Variants in FLT1 observed in about 807,000 individuals in gnomAD.
FLT1 encodes fms related receptor tyrosine kinase 1, also known as vascular endothelial growth factor receptor 1.
Under a neutral mutation model 156.3 loss-of-function variants are expected in FLT1, and 49 were observed. That is an observed-to-expected ratio of 0.31 (90% confidence interval 0.25 to 0.40). FLT1 has a LOEUF of 0.40. Among genes scored for constraint, FLT1 ranks in the 10% least tolerant of loss-of-function variants. The pLI is 1.00. For synonymous variants in FLT1, 594 were observed against 583.8 expected, an observed-to-expected ratio of 1.02 and a Z score of -0.25; for missense variants, 1,322 against 1,637.2, an observed-to-expected ratio of 0.81 and a Z score of 3.32.
At position 28,322,853 on chromosome 13, in the gene FLT1, C is replaced by A; in HGVS notation, c.2890G>T (p.Glu964Ter). The change falls in exon 21 of 30, where the codon GAA becomes TAA. Residue 964 changes from glutamate to a stop codon, truncating the protein, a stop_gained. Coordinates refer to ENST00000282397, the MANE Select transcript of FLT1 (RefSeq NM_002019.4). LOFTEE classifies it high-confidence loss of function. The surrounding 1 kb of genome is among the most constrained non-coding windows in gnomAD (Gnocchi z 4.3). ...KPRLDSVTSSESFASSGFQED... is the reference protein window; with the variant it reads ...KPRLDSVTSS ...TGAAAGCCGGAGCTCGCAAAGCTTT[C>A]GCTGCTGGTGACGCTATCTAGTCTT... 1.2e-6 allele frequency: 2 copies of A among 1,614,172 alleles called. No individual in the cohort carries two copies. The highest frequency in any genetic ancestry group is 1.7e-6 in the Non-Finnish European group (2 of 1,180,024).
chr13:28,464,838 T>C (rs1254423483), intron 3 of FLT1, among the ~76,000 whole-genome samples: 2 of 152,154 alleles, frequency 1.3e-5, no homozygotes, highest in African/African-American at 4.8e-5. Flanking sequence ...CACTATTTAT[T>C]AGAAAAAAAG....
At chr13:28,327,426 C>T (rs1243115482) in intron 20 of FLT1, 36 bp downstream of exon 20, 4 of 1,255,900 alleles carry the variant, frequency 3.2e-6, no homozygotes, top group Middle Eastern at 1.9e-4. Context: ...AAACTCATTG[C>T]TATCTTTAAA....
At chr13:28,476,175 C>T (rs994198392) in intron 1 of FLT1, among the ~76,000 whole-genome samples, 3 of 152,250 alleles carry the variant, frequency 2.0e-5, no homozygotes, top group Non-Finnish European at 2.9e-5. Flanking sequence ...ACACTTTTCT[C>T]TCCATGAGAA....
intron 15 of FLT1, among the ~76,000 whole-genome samples, chr13:28,354,602 C>T (rs1872836079): frequency 6.6e-6 from 1 of 152,044 alleles, no homozygotes; most frequent in Admixed American, 6.5e-5. Flanking sequence ...TAAATGGGCA[C>T]AATATTTCAG....
chr13:28,456,283 A>G (rs893074191), intron 3 of FLT1, among the ~76,000 whole-genome samples: 2 of 151,658 alleles, frequency 1.3e-5, no homozygotes, highest in Non-Finnish European at 2.9e-5. Flanking sequence ...GAATTTATAT[A>G]ATGAATATAA....
chr13:28,391,563 C>G (rs796147175), intron 12 of FLT1, among the ~76,000 whole-genome samples: 15 of 152,364 alleles, frequency 9.8e-5, no homozygotes, highest in African/African-American at 3.4e-4. Flanking sequence ...TCTCATGTCT[C>G]CTTGAAATGT....
At chr13:28,493,971 T>A (rs1463443908) in intron 1 of FLT1, among the ~76,000 whole-genome samples, 1 of 152,358 alleles carries the variant, frequency 6.6e-6, no homozygotes, top group South Asian at 2.1e-4. Context: ...TTAACGGTAT[T>A]TGGGCCCTGG....
chr13:28,303,651 ACT>A (rs1270769669), intron 29 of FLT1, among the ~76,000 whole-genome samples: 1 of 151,982 alleles, frequency 6.6e-6, no homozygotes, highest in Admixed American at 6.6e-5. Context: ...GTGGAAAGTA[ACT>A]CCAAGACTTG....
chr13:28,410,520 C>A (rs1015480781), intron 10 of FLT1, among the ~76,000 whole-genome samples: 2 of 152,186 alleles, frequency 1.3e-5, no homozygotes, highest in Non-Finnish European at 2.9e-5. Context: ...AGTCTAATAA[C>A]CACATTGATT....
intron 17 of FLT1, among the ~76,000 whole-genome samples, chr13:28,335,394 TTCC>T (rs1300172861): frequency 1.3e-5 from 2 of 152,146 alleles, no homozygotes; most frequent in Non-Finnish European, 2.9e-5. Flanking sequence ...TGAACCTTCT[TTCC>T]TCCCTTCCTT....
In FLT1 at chr13:28,306,319, C is replaced by T. The variant is rs376023552; in HGVS notation, c.3815+359G>A. Among the ~76,000 whole-genome samples the T allele has an allele frequency of 3.0e-4, 45 of 152,244 alleles. 1 individual carries two copies. The East Asian group carries it at 4.8e-3, about 16-fold the overall frequency. On this transcript the variant is annotated intron_variant, in intron 29 of 29. Coordinates refer to ENST00000282397, the MANE Select transcript of FLT1 (RefSeq NM_002019.4). ...GTGTCTCCTCGTGTATGAACCCTGC[C>T]GGCATAGGGAGTGACAGCGGGGGCA... is the stretch of plus-strand genomic sequence containing the variant.
At chr13:28,442,077 CAT>C (rs1441306407) in intron 3 of FLT1, among the ~76,000 whole-genome samples, 1 of 152,144 alleles carries the variant, frequency 6.6e-6, no homozygotes, top group Non-Finnish European at 1.5e-5. Context: ...GGTGTAGTAA[CAT>C]ATGCAGAGAG....
intron 10 of FLT1, among the ~76,000 whole-genome samples, chr13:28,420,078 A>T (rs938257564): frequency 2.0e-5 from 3 of 152,244 alleles, no homozygotes; most frequent in Non-Finnish European, 4.4e-5. Flanking sequence ...AAAGTGGCAA[A>T]GGGGCCTTTG....
intron 13 of FLT1, chr13:28,388,454 GT>G (rs61707719): frequency 0.37 from 347,285 of 934,200 alleles, 48,819 homozygotes; most frequent in East Asian, 0.42. Flanking sequence ...GGTCATTATA[GT>G]TTTTTTTTTT....
intron 1 of FLT1, among the ~76,000 whole-genome samples, chr13:28,485,274 A>G (rs1352843496): frequency 1.3e-5 from 2 of 152,010 alleles, no homozygotes; most frequent in African/African-American, 4.8e-5. Context: ...CAGGGCCTCT[A>G]TGATAAGAGC....
chr13:28,337,908 A>G (rs909466301), intron 17 of FLT1, among the ~76,000 whole-genome samples: 1 of 152,218 alleles, frequency 6.6e-6, no homozygotes, highest in South Asian at 2.1e-4. Context: ...AAATTATCCC[A>G]TATTTCCTGC....
At position 28,357,689 on chromosome 13, in the gene FLT1, A is replaced by C; in HGVS notation, c.2117-4T>G. ...CTTCCTGGTCCTAAAATAATTCCTG[A>C]GGGGTGAGAGATGTTTAGATTAGTG... On this transcript the variant is annotated splice_region_variant and splice_polypyrimidine_tract_variant and intron_variant, in intron 14 of 29. Transcript: ENST00000282397. 2 of 1,613,304 alleles carry C rather than the reference A, an allele frequency of 1.2e-6. No homozygotes were observed. Among genetic ancestry groups the C allele is most frequent in the East Asian group, 2.2e-5 (1 of 44,858 alleles).
intron 10 of FLT1, among the ~76,000 whole-genome samples, chr13:28,413,218 G>A (rs938143405): frequency 1.3e-5 from 2 of 152,110 alleles, no homozygotes; most frequent in African/African-American, 4.8e-5. Context: ...GAGCTTTTCC[G>A]TGAGCGTCTT....
At chr13:28,338,281 C>T (rs942505217) in intron 17 of FLT1, among the ~76,000 whole-genome samples, 8 of 152,012 alleles carry the variant, frequency 5.3e-5, no homozygotes, top group African/African-American at 7.2e-5. Flanking sequence ...CTCTCCACAC[C>T]GAGAGGGACA....
Sources: allele counts gnomAD v4.1 joint callset (sites outside exome capture counted in the v4.1 genomes callset), GRCh38; gene constraint gnomAD v4.1.1; non-coding constraint Gnocchi (gnomAD v3.1); transcripts MANE v1.5; gene names NCBI Gene and HGNC (gene_info 2026-07-23, HGNC 2026-07-21).